The following LONRF2 variants were observed in gnomAD, a reference collection of about 807,000 sequenced individuals.
LONRF2 encodes the protein LON peptidase N-terminal domain and RING finger protein 2.
LONRF2 carries 35 observed loss-of-function variants against 66.6 expected under a neutral mutation model. The observed-to-expected ratio is 0.53, with a 90% CI of 0.40 to 0.70. LONRF2 has a LOEUF of 0.70. Ranked by LOEUF, LONRF2 falls within the 30% of genes least tolerant of loss-of-function variation. The probability of loss-of-function intolerance (pLI) is 0.00; values close to 1 mark genes in which losing one functional copy is unlikely to be tolerated. For missense variants in LONRF2, 902 were observed against 1,002.1 expected (o/e 0.90, Z 1.35); for synonymous variants, 417 against 418.1 (o/e 1.00, Z 0.03).
At chr2:100,319,594 G>A (rs1175324586) in intron 1 of LONRF2, among the ~76,000 whole-genome samples, 1 of 152,146 alleles carries the variant, frequency 6.6e-6, no homozygotes, top group Non-Finnish European at 1.5e-5. Context: ...AGATAAATAG[G>A]ATCATATAGT....
In LONRF2 at chr2:100,280,702, A is replaced by T. The variant is rs2105709356; in HGVS notation, c.*3596T>A. On this transcript the variant is annotated 3_prime_UTR_variant, in exon 12 of 12. Coordinates refer to ENST00000393437, the MANE Select transcript of LONRF2 (RefSeq NM_198461.4). ...GGGCCAAGGCAAGAGAATCACTTGA[A>T]CCCAGGAGGCGGAGGTTGTGGTGAG... The T allele has an allele frequency of 6.6e-6, 1 of 152,214 alleles. No homozygotes were observed. The highest frequency in any genetic ancestry group is 1.9e-4 in the East Asian group (1 of 5,176). The allele number at this position is 152,214 out of a possible 1,614,324, so 9.4% of individuals were successfully genotyped here.
Position 100,281,887 on chromosome 2 carries a change from T to G in LONRF2, c.*2411A>C, listed in dbSNP as rs896710428. ...ATTGGTAGCAAACTGAAGCTGGGGT[T>G]TTTTTTTTTTAGGTTTGTAAGGGAG... On this transcript the variant is annotated 3_prime_UTR_variant, in exon 12 of 12. Transcript: ENST00000393437. 1 of 145,378 alleles carries G rather than the reference T, an allele frequency of 6.9e-6. No homozygotes were observed. The highest frequency in any genetic ancestry group is 2.7e-5 in the African/African-American group (1 of 37,640). 9.0% of individuals were successfully genotyped at this position (145,378 alleles called of 1,614,324 possible). A position where few individuals can be genotyped will look rare whatever the true frequency, so the allele number is the denominator to read the frequency against.
Position 100,299,711 on chromosome 2 carries a change from A to T in LONRF2, c.1267+6T>A, listed in dbSNP as rs776867937. ...CAGAACTGCCTGATGAAAACAGTTC[A>T]CTGACCTTTCTTGGGAATTTTTCCA... On this transcript the variant is annotated splice_donor_region_variant and intron_variant, in intron 5 of 11. Transcript: ENST00000393437. 44 of 1,612,832 alleles carry T rather than the reference A, an allele frequency of 2.7e-5. 1 individual carries two copies. In the South Asian group the frequency reaches 4.8e-4, roughly 18 times the overall value.
chr2:100,317,800 G>T (rs1478644259), intron 1 of LONRF2, among the ~76,000 whole-genome samples: 1 of 151,224 alleles, frequency 6.6e-6, no homozygotes, highest in South Asian at 2.1e-4. Context: ...CAATAATTTT[G>T]TCTAAAAGTC....
intron 8 of LONRF2, 22 bp from the exon 9 acceptor site, chr2:100,294,409 T>C: frequency 1.3e-6 from 2 of 1,538,908 alleles, no homozygotes; most frequent in East Asian, 2.3e-5. Flanking sequence ...GGGGACATGT[T>C]ATCTCAGATG....
Position 100,302,822 on chromosome 2 carries a change from T to A in LONRF2, c.921+99A>T, listed in dbSNP as rs1047733133. ...ATTGCATTATCACGAACATTCAGAA[T>A]TATATTTCTTGTTTATTTCACATGC... On this transcript the variant is annotated intron_variant, in intron 3 of 11. Transcript: ENST00000393437. 1.1e-4 allele frequency: 134 copies of A among 1,209,174 alleles called. 1 individual carries two copies. In the African/African-American group the frequency reaches 1.9e-3, roughly 18 times the overall value. 74.9% of individuals were successfully genotyped at this position (1,209,174 alleles called of 1,614,324 possible). A position where few individuals can be genotyped will look rare whatever the true frequency, so the allele number is the denominator to read the frequency against.
chr2:100,314,705 A>G (rs1278018473), intron 1 of LONRF2, among the ~76,000 whole-genome samples: 1 of 152,172 alleles, frequency 6.6e-6, no homozygotes, highest in Non-Finnish European at 1.5e-5. Flanking sequence ...ATATGATGTG[A>G]GATAGGTATT....
chr2:100,290,401 T>G lies in LONRF2; in HGVS notation c.1777A>C (p.Met593Leu), dbSNP rs750406061. ...GTTCTCACGTCCTTAATCTCCAGCA[T>G]GCATCCATACTCTGAAAGCCTGAAA... Reference protein sequence around the residue: ...EHAGLSEYGCMLEIKDVRTFP... With the variant: ...EHAGLSEYGCLLEIKDVRTFP... Residue 593 changes from methionine to leucine, a missense_variant, in exon 10 of 12, where the codon ATG becomes CTG. Transcript: ENST00000393437. 6.2e-7 allele frequency: 1 copy of G among 1,613,606 alleles called. No homozygotes were observed. Among genetic ancestry groups the G allele is most frequent in the Non-Finnish European group, 8.5e-7 (1 of 1,179,872 alleles).
intron 1 of LONRF2, among the ~76,000 whole-genome samples, chr2:100,310,951 T>C (rs1675396276): frequency 6.6e-6 from 1 of 152,242 alleles, no homozygotes; most frequent in South Asian, 2.1e-4. Context: ...ATAACATTTT[T>C]CTTAAGTTTC....
In LONRF2 at chr2:100,283,398, T is replaced by C. The variant is rs1674779400; in HGVS notation, c.*900A>G. On this transcript the variant is annotated 3_prime_UTR_variant, in exon 12 of 12. Transcript: ENST00000393437. ...AATAAATGGATAGTAAACTGAAATT[T>C]ACTGATGGGGCTAATTTCTAATGCA... is the stretch of plus-strand genomic sequence containing the variant. 1 of 152,184 alleles carries C rather than the reference T, an allele frequency of 6.6e-6. No homozygotes were observed. Among genetic ancestry groups the C allele is most frequent in the Admixed American group, 6.5e-5 (1 of 15,270 alleles). 9.4% of individuals were successfully genotyped at this position (152,184 alleles called of 1,614,324 possible).
rs1191308319 is a variant in LONRF2, at chr2:100,281,690, A to C, written c.*2608T>G. On this transcript the variant is annotated 3_prime_UTR_variant, in exon 12 of 12. Transcript: ENST00000393437. ...CTCTTTTCTGCTTTGATTCCAATGTAACGAGAGCATGCCTATTGGAGCACT... is the reference window on the plus strand; with the variant it reads ...CTCTTTTCTGCTTTGATTCCAATGTCACGAGAGCATGCCTATTGGAGCACT... 2 of 152,156 alleles carry C rather than the reference A, an allele frequency of 1.3e-5. No individual in the cohort carries two copies. The highest frequency in any genetic ancestry group is 2.9e-5 in the Non-Finnish European group (2 of 68,020). The allele number at this position is 152,156 out of a possible 1,614,324, so 9.4% of individuals were successfully genotyped here.
intron 10 of LONRF2, 70 bp downstream of exon 10, chr2:100,290,188 G>T: frequency 6.9e-7 from 1 of 1,440,566 alleles, no homozygotes; most frequent in Non-Finnish European, 9.4e-7. Context: ...GTTTGACAAA[G>T]CTTTTCCACA....
chr2:100,287,503 T>A (rs916256006), intron 10 of LONRF2, among the ~76,000 whole-genome samples: 7 of 152,334 alleles, frequency 4.6e-5, no homozygotes, highest in African/African-American at 9.6e-5. Flanking sequence ...CTCAGTGTAG[T>A]TTCCTAGAGA....
Position 100,321,670 on chromosome 2 carries a change from C to T in LONRF2, c.424G>A (p.Gly142Ser). The T allele has an allele frequency of 4.5e-6, 6 of 1,335,814 alleles. No homozygotes were observed. The highest frequency in any genetic ancestry group is 5.7e-6 in the Non-Finnish European group (6 of 1,045,360). The allele number at this position is 1,335,814 out of a possible 1,614,324, so 82.7% of individuals were successfully genotyped here. ...AGCAGCCGCCGGCAGCGCGGGCAGC[C>T]GAGCAGGTCGCGGGGCGCGCGGGGC... ...PEPRAPRDLL[G>S]CPRCRRLLHK... The change falls in exon 1 of 12, where the codon GGC becomes AGC. Residue 142 changes from glycine to serine, a missense_variant. By Grantham distance (56) the Gly-to-Ser change is moderately conservative (BLOSUM62 0). This residue lies in a region of LONRF2 where 585 missense variants were observed against 569.9 expected (regional missense o/e 1.03). Coordinates refer to ENST00000393437, the MANE Select transcript of LONRF2 (RefSeq NM_198461.4).
rs1204048759 is a variant in LONRF2, at chr2:100,283,333, T to A, written c.*965A>T. The A allele has an allele frequency of 6.6e-6, 1 of 152,198 alleles. No individual in the cohort carries two copies. The highest frequency in any genetic ancestry group is 1.5e-5 in the Non-Finnish European group (1 of 68,022). 9.4% of individuals were successfully genotyped at this position (152,198 alleles called of 1,614,324 possible). ...GATCTATTTTCCTGGAATAGATAGA[T>A]TACCATGGCATGGCAGATTTTTTAA... On this transcript the variant is annotated 3_prime_UTR_variant, in exon 12 of 12. Coordinates refer to ENST00000393437, the MANE Select transcript of LONRF2 (RefSeq NM_198461.4).
At chr2:100,291,258 G>A (rs1298857325) in intron 9 of LONRF2, among the ~76,000 whole-genome samples, 1 of 152,128 alleles carries the variant, frequency 6.6e-6, no homozygotes, top group Non-Finnish European at 1.5e-5. Flanking sequence ...CTCACAAAGG[G>A]AGTTTGCATC....
chr2:100,306,942 G>A (rs113207878), intron 2 of LONRF2, among the ~76,000 whole-genome samples: 6,440 of 131,256 alleles, frequency 0.049, 211 homozygotes, highest in Middle Eastern at 0.11. Flanking sequence ...TTTTTTTGAG[G>A]TGGAGTCTCG....
In LONRF2 at chr2:100,276,200, C is replaced by A. The variant is rs1674598067; in HGVS notation, c.*8098G>T. The A allele has an allele frequency of 6.6e-6, 1 of 152,176 alleles. No individual in the cohort carries two copies. Among genetic ancestry groups the A allele is most frequent in the African/African-American group, 2.4e-5 (1 of 41,428 alleles). The allele number at this position is 152,176 out of a possible 1,614,324, so 9.4% of individuals were successfully genotyped here. ...AACTTAGGTTCTAAATTAATTGTAA[C>A]ATTTGCTAAAATGTACCCATTGACA... On this transcript the variant is annotated 3_prime_UTR_variant, in exon 12 of 12. Transcript: ENST00000393437.
intron 9 of LONRF2, among the ~76,000 whole-genome samples, chr2:100,292,331 T>G (rs1447016146): frequency 3.9e-5 from 6 of 152,224 alleles, no homozygotes; most frequent in African/African-American, 1.4e-4. Context: ...TGATGCAAAC[T>G]CCCTTCGTGA....
Sources: allele counts gnomAD v4.1 joint callset (sites outside exome capture counted in the v4.1 genomes callset), GRCh38; gene constraint gnomAD v4.1.1; regional missense constraint gnomAD v4.1.1; transcripts MANE v1.5; gene names NCBI Gene and HGNC (gene_info 2026-07-23, HGNC 2026-07-21).